CDC25C: variants seen among roughly 807,000 people sequenced by gnomAD.
The protein encoded by CDC25C is cell division cycle 25C, also known as M-phase inducer phosphatase 3.
A neutral mutation model predicts 52.5 loss-of-function variants in CDC25C; 48 were observed. The ratio of observed to expected loss-of-function variants is 0.91; its 90% CI spans 0.72 to 1.16. The LOEUF is 1.16. Ranked by LOEUF, CDC25C falls within the 50% of genes most tolerant of loss-of-function variation. CDC25C has a pLI of 0.00. For missense variants in CDC25C, 510 were observed against 566.1 expected, an observed-to-expected ratio of 0.90 and a Z score of 1.01; for synonymous variants, 187 against 206.5, an observed-to-expected ratio of 0.91 and a Z score of 0.81.
intron 7 of CDC25C, among the ~76,000 whole-genome samples, chr5:138,298,193 G>T (rs1389713843): frequency 1.4e-5 from 2 of 147,934 alleles, no homozygotes; most frequent in Non-Finnish European, 3.0e-5. Flanking sequence ...TAGAGACAAG[G>T]TCTCTCTTTG....
intron 8 of CDC25C, 33 bp from the exon 9 acceptor site, chr5:138,290,773 A>C: frequency 1.5e-6 from 2 of 1,293,688 alleles, no homozygotes; most frequent in Non-Finnish European, 1.1e-6. Context: ...CCCACACCCA[A>C]TCCTCATGTT....
chr5:138,327,534 G>C (rs933391419), intron 4 of CDC25C, among the ~76,000 whole-genome samples: 3 of 151,580 alleles, frequency 2.0e-5, no homozygotes, highest in Non-Finnish European at 4.4e-5. Flanking sequence ...TACTCGGGAG[G>C]CTGAGGCAGG....
chr5:138,316,440 A>T (rs1363588048), intron 7 of CDC25C, among the ~76,000 whole-genome samples: 2 of 152,162 alleles, frequency 1.3e-5, no homozygotes, highest in Non-Finnish European at 2.9e-5. Context: ...CCTTGGTGTG[A>T]GCAGCCTGGT....
chr5:138,288,616 C>T (rs1032374494), intron 10 of CDC25C, among the ~76,000 whole-genome samples: 20 of 152,136 alleles, frequency 1.3e-4, no homozygotes, highest in African/African-American at 1.9e-4. Flanking sequence ...GAATGACCTC[C>T]GGGAGGCAGA....
chr5:138,322,041 G>T (rs956811919), intron 6 of CDC25C, among the ~76,000 whole-genome samples: 1 of 151,838 alleles, frequency 6.6e-6, no homozygotes, highest in South Asian at 2.1e-4. Flanking sequence ...ATGCTTTGTC[G>T]CCCAGGCTGG....
At chr5:138,297,011 C>T (rs1243281689) in intron 7 of CDC25C, among the ~76,000 whole-genome samples, 2 of 150,038 alleles carry the variant, frequency 1.3e-5, no homozygotes, top group East Asian at 2.0e-4. Context: ...CGCGGGTTCA[C>T]GCCATTCTTC....
In CDC25C at chr5:138,317,302, A is replaced by G. The variant is rs189733072; in HGVS notation, c.615+1917T>C. On this transcript the variant is annotated intron_variant, in intron 7 of 13. Coordinates refer to ENST00000323760, the MANE Select transcript of CDC25C (RefSeq NM_001790.5). ...AATGCAACTGTTCTAACTCCACTAT[A>G]CCATACTGGCCTTGTGAAATGAATA... Among the ~76,000 whole-genome samples, 204 of 152,216 alleles carry G rather than the reference A, an allele frequency of 1.3e-3. 1 individual carries two copies. Among genetic ancestry groups the G allele is most frequent in the African/African-American group, 4.5e-3 (187 of 41,540 alleles).
intron 7 of CDC25C, among the ~76,000 whole-genome samples, chr5:138,317,733 T>C (rs182344669): frequency 9.4e-6 from 1 of 106,630 alleles, no homozygotes; most frequent in Admixed American, 9.0e-5. Flanking sequence ...CAAAAAAAGC[T>C]AAATGCCTCA....
intron 7 of CDC25C, among the ~76,000 whole-genome samples, chr5:138,302,569 C>T (rs1488595947): frequency 6.6e-6 from 1 of 151,810 alleles, no homozygotes; most frequent in Non-Finnish European, 1.5e-5. Flanking sequence ...CGTGGTGGCA[C>T]ATGCCTGTAA....
intron 7 of CDC25C, among the ~76,000 whole-genome samples, chr5:138,303,064 G>C (rs1289841257): frequency 6.6e-6 from 1 of 152,138 alleles, no homozygotes; most frequent in African/African-American, 2.4e-5. Flanking sequence ...GTGAGACCAT[G>C]TCTCTTTAAA....
chr5:138,333,675 C>G (rs148487058), upstream of CDC25C: 18 of 152,280 alleles, frequency 1.2e-4, no homozygotes, highest in South Asian at 4.1e-4. Flanking sequence ...CTATTGGTGG[C>G]AAAAGCAGAT....
chr5:138,285,866 G>A, intron 13 of CDC25C, 25 bp from the exon 14 acceptor site: 1 of 1,612,764 alleles, frequency 6.2e-7, no homozygotes, highest in Non-Finnish European at 8.5e-7. Context: ...ACAGAGTAAG[G>A]GATTCTCTAG....
chr5:138,328,476 G>C lies in CDC25C; in HGVS notation c.335+8C>G, dbSNP rs370881634. On this transcript the variant is annotated splice_region_variant and intron_variant, in intron 4 of 13. Coordinates refer to ENST00000323760, the MANE Select transcript of CDC25C (RefSeq NM_001790.5). ...TTTGTGTGGGGTTCATTTAACAACA[G>C]AACTTACATCCCAGCTAAATGCACT... 3.5e-5 allele frequency: 56 copies of C among 1,613,096 alleles called. No homozygotes were observed. The highest frequency in any genetic ancestry group is 4.5e-5 in the Non-Finnish European group (53 of 1,179,222).
chr5:138,320,583 G>A (rs1047978684), intron 6 of CDC25C, among the ~76,000 whole-genome samples: 2 of 152,084 alleles, frequency 1.3e-5, no homozygotes, highest in African/African-American at 4.8e-5. Flanking sequence ...ACTATGGGAG[G>A]CTGAAGCAGA....
At chr5:138,319,419 A>C (rs1159567764) in intron 6 of CDC25C, 45 bp from the exon 7 acceptor site, 1 of 1,457,562 alleles carries the variant, frequency 6.9e-7, no homozygotes, top group Non-Finnish European at 9.3e-7. Flanking sequence ...AAAATATATC[A>C]AAGTTCTAAA....
intron 7 of CDC25C, among the ~76,000 whole-genome samples, chr5:138,311,678 C>T (rs1758464609): frequency 6.6e-6 from 1 of 151,858 alleles, no homozygotes; most frequent in African/African-American, 2.4e-5. Context: ...ACCAAAAGCA[C>T]AAGCAACAAA....
intron 7 of CDC25C, among the ~76,000 whole-genome samples, chr5:138,313,396 AAAAAAAG>A (rs1758606646): frequency 1.3e-5 from 2 of 151,122 alleles, no homozygotes; most frequent in South Asian, 4.2e-4. Context: ...AAAAAAAAAA[AAAAAAAG>A]AGAGAATTTC....
At chr5:138,334,463 T>G (rs1024321592), upstream of CDC25C, among the ~76,000 whole-genome samples, 2 of 152,166 alleles carry the variant, frequency 1.3e-5, no homozygotes, top group Non-Finnish European at 2.9e-5. Context: ...GTGATTCTCT[T>G]GCCTCAGCCT....
chr5:138,296,610 T>TA lies in CDC25C; in HGVS notation c.616-4495_616-4494insT, dbSNP rs200021533. ...TTTTTATTTTATTATTATTAATTATTTTTTTTTTTTTTTGAGACAGAGTCT... is the reference window on the plus strand; with the variant it reads ...TTTTTATTTTATTATTATTAATTATTATTTTTTTTTTTTTGAGACAGAGTCT... On this transcript the variant is annotated intron_variant, in intron 7 of 13. Coordinates refer to ENST00000323760, the MANE Select transcript of CDC25C (RefSeq NM_001790.5). Among the ~76,000 whole-genome samples, 490 of 145,198 alleles carry TA rather than the reference T, an allele frequency of 3.4e-3. 1 individual carries two copies. Among genetic ancestry groups the TA allele is most frequent in the East Asian group, 0.015 (76 of 5,076 alleles).
Sources: gnomAD v4.1 joint callset for allele counts (sites outside exome capture counted in the v4.1 genomes callset) on GRCh38, gnomAD v4.1.1 for gene constraint, MANE v1.5 for transcripts, NCBI Gene and HGNC (gene_info 2026-07-23, HGNC 2026-07-21) for gene names.